The following ATOSA variants were observed in gnomAD, a reference collection of about 807,000 sequenced individuals.
ATOSA encodes the protein atos homolog A, also known as atos homolog protein A.
chr15:52,587,284 G>C, the ATOSA span: 1 of 1,300,334 alleles, frequency 7.7e-7, no homozygotes, highest in Non-Finnish European at 1.1e-6. Context: ...ACTAAAATAA[G>C]AATAACTCAT....
chr15:52,679,845 G>A, the ATOSA span, among the ~76,000 whole-genome samples: 14 of 121,764 alleles, frequency 1.1e-4, no homozygotes, highest in Admixed American at 2.9e-4. Context: ...CTCCTCCCGG[G>A]ATGCTGGCAC....
chr15:52,684,959 G>T, the ATOSA span, among the ~76,000 whole-genome samples: 3 of 151,942 alleles, frequency 2.0e-5, no homozygotes, highest in Middle Eastern at 3.2e-3. Flanking sequence ...AAAGACAGTG[G>T]GAAAAAATGT....
the ATOSA span, chr15:52,678,804 G>C: frequency 6.5e-6 from 1 of 152,910 alleles, no homozygotes; most frequent in Non-Finnish European, 1.5e-5. Context: ...CCGCGGCCCC[G>C]GATTTCCTTC....
At chr15:52,685,756 T>C in the ATOSA span, among the ~76,000 whole-genome samples, 171 of 152,300 alleles carry the variant, frequency 1.1e-3, 1 homozygote, top group Non-Finnish European at 1.5e-4. Context: ...TCACCCAGGC[T>C]GGAGTGTAGT....
At chr15:52,664,248 C>T in the ATOSA span, among the ~76,000 whole-genome samples, 1 of 152,104 alleles carries the variant, frequency 6.6e-6, no homozygotes, top group Non-Finnish European at 1.5e-5. Context: ...GACATTATAC[C>T]CCATAGATTT....
the ATOSA span, among the ~76,000 whole-genome samples, chr15:52,675,650 T>C: frequency 2.0e-5 from 3 of 152,314 alleles, no homozygotes; most frequent in African/African-American, 4.8e-5. Flanking sequence ...GGCTCACGCC[T>C]GTAATCCCAG....
chr15:52,648,383 T>A, the ATOSA span, among the ~76,000 whole-genome samples: 1 of 152,170 alleles, frequency 6.6e-6, no homozygotes, highest in African/African-American at 2.4e-5. Flanking sequence ...ACATGTGATA[T>A]TTTAACACAT....
chr15:52,679,815 CCCTCCTCCT>C, the ATOSA span, among the ~76,000 whole-genome samples: 1 of 104,818 alleles, frequency 9.5e-6, no homozygotes, highest in Non-Finnish European at 1.9e-5. Context: ...CTCCTTCCCC[CCCTCCTCCT>C]CCTCCTCCTC....
the ATOSA span, among the ~76,000 whole-genome samples, chr15:52,637,292 G>T: frequency 1.4e-4 from 22 of 152,028 alleles, no homozygotes; most frequent in Non-Finnish European, 2.8e-4. Context: ...AGTCAAGTTG[G>T]GGGGCAGGAG....
the ATOSA span, among the ~76,000 whole-genome samples, chr15:52,630,507 T>G: frequency 1.7e-3 from 265 of 152,334 alleles, 1 homozygote; most frequent in East Asian, 0.024. Context: ...ACATATGATT[T>G]CACATTCAAA....
the ATOSA span, among the ~76,000 whole-genome samples, chr15:52,603,952 A>G: frequency 6.6e-6 from 1 of 152,246 alleles, no homozygotes; most frequent in African/African-American, 2.4e-5. Flanking sequence ...ACAATAATTT[A>G]TCGTATATTT....
the ATOSA span, among the ~76,000 whole-genome samples, chr15:52,622,318 GTGAGATTCCATATGAGAAACACA>G: frequency 6.6e-6 from 1 of 152,294 alleles, no homozygotes; most frequent in South Asian, 2.1e-4. Flanking sequence ...TGGAATCTCA[GTGAGATTCCATATGAGAAACACA>G]TGGTAATGAG....
chr15:52,692,086 C>T, the ATOSA span, among the ~76,000 whole-genome samples: 1 of 151,956 alleles, frequency 6.6e-6, no homozygotes, highest in Non-Finnish European at 1.5e-5. Flanking sequence ...TCCATCCCCC[C>T]AAAAACATAA....
At chr15:52,598,277 T>C in the ATOSA span, among the ~76,000 whole-genome samples, 240 of 152,358 alleles carry the variant, frequency 1.6e-3, no homozygotes, top group African/African-American at 5.7e-3. Context: ...TGTGTTGGGC[T>C]GCATTCAAAG....
At chr15:52,604,673 T>C in the ATOSA span, among the ~76,000 whole-genome samples, 1 of 152,192 alleles carries the variant, frequency 6.6e-6, no homozygotes, top group African/African-American at 2.4e-5. Flanking sequence ...GGGAATTCAG[T>C]GTGACTCCAA....
At chr15:52,615,481 G>C in the ATOSA span, among the ~76,000 whole-genome samples, 1 of 152,128 alleles carries the variant, frequency 6.6e-6, no homozygotes, top group Non-Finnish European at 1.5e-5. Flanking sequence ...TATGCACATA[G>C]TTCCTAGTTT....
At chr15:52,617,047 T>C in the ATOSA span, among the ~76,000 whole-genome samples, 3 of 152,128 alleles carry the variant, frequency 2.0e-5, no homozygotes, top group South Asian at 2.1e-4. Flanking sequence ...ATAAAAAAAA[T>C]TGCTAGTCTA....
At chr15:52,652,510 A>G in the ATOSA span, among the ~76,000 whole-genome samples, 2 of 152,212 alleles carry the variant, frequency 1.3e-5, no homozygotes, top group Non-Finnish European at 2.9e-5. Context: ...AACTTTATAT[A>G]AAGTATTTTA....
At chr15:52,631,408 A>C in the ATOSA span, among the ~76,000 whole-genome samples, 6 of 152,320 alleles carry the variant, frequency 3.9e-5, no homozygotes, top group Non-Finnish European at 8.8e-5. Flanking sequence ...TCTTAAAAAA[A>C]GTCTTCCAAC....
Sources: gnomAD v4.1 joint callset for allele counts (sites outside exome capture counted in the v4.1 genomes callset) on GRCh38, gnomAD v4.1.1 for gene constraint, MANE v1.5 for transcripts, NCBI Gene and HGNC (gene_info 2026-07-23, HGNC 2026-07-21) for gene names.